ZNF536: variants seen among roughly 807,000 people sequenced by gnomAD.
The protein encoded by ZNF536 is zinc finger protein 536.
ZNF536 carries 13 observed loss-of-function variants against 84.5 expected under a neutral mutation model. The ratio of observed to expected loss-of-function variants is 0.15; its 90% CI spans 0.10 to 0.24. The LOEUF is 0.24. Ranked by LOEUF, ZNF536 falls within the 10% of genes least tolerant of loss-of-function variation. The pLI is 1.00. For synonymous variants in ZNF536, 811 were observed against 742.5 expected (o/e 1.09, Z -1.50); for missense variants, 1,536 against 1,747.5 (o/e 0.88, Z 2.16).
intron 1 of ZNF536, among the ~76,000 whole-genome samples, chr19:30,698,704 G>A (rs2051766507): frequency 6.6e-6 from 1 of 152,122 alleles, no homozygotes; most frequent in Admixed American, 6.5e-5. Flanking sequence ...CAAGTCAAGG[G>A]CACCTGCTGT....
At chr19:30,693,381 G>A (rs570084759) in intron 1 of ZNF536, among the ~76,000 whole-genome samples, 2 of 152,176 alleles carry the variant, frequency 1.3e-5, no homozygotes, top group South Asian at 2.1e-4. Context: ...TTTGGTTTAC[G>A]TGACTACAGA....
At chr19:30,488,754 C>T (rs2054392725) in intron 2 of ZNF536, among the ~76,000 whole-genome samples, 1 of 152,128 alleles carries the variant, frequency 6.6e-6, no homozygotes, top group Non-Finnish European at 1.5e-5. Context: ...TGCACAGCCT[C>T]CCTCCCCTTT....
chr19:30,273,263 A>G lies in ZNF536; in HGVS notation c.-189-10809A>G, dbSNP rs184200737. On this transcript the variant is annotated intron_variant, in intron 1 of 5. Coordinates refer to the ZNF536 transcript ENST00000585628. ...TAAGTTTCCACTCATTTGTATAAAT[A>G]TCAAGGAGCATGATTGCTGGATTGC... Among the ~76,000 whole-genome samples, 6 of 152,294 alleles carry G rather than the reference A, an allele frequency of 3.9e-5. No homozygotes were observed. The East Asian group carries it at 1.2e-3, about 29-fold the overall frequency.
intron 1 of ZNF536, among the ~76,000 whole-genome samples, chr19:30,601,581 C>T (rs915911813): frequency 6.6e-6 from 1 of 152,160 alleles, no homozygotes; most frequent in Non-Finnish European, 1.5e-5. Flanking sequence ...CTATAGATGC[C>T]ATCAGCTCCT....
rs138961566 is a variant in ZNF536, at chr19:30,337,943, AT to A, written c.-119-14424del. On this transcript the variant is annotated intron_variant, in intron 2 of 5. Coordinates refer to the ZNF536 transcript ENST00000585628. ...CAATGGTGATGATAATGTTGATATGATGATAATGGTGATCGTGATGGTGATG... is the reference window on the plus strand; with the variant it reads ...CAATGGTGATGATAATGTTGATATGAGATAATGGTGATCGTGATGGTGATG... 5.4e-3 allele frequency among the ~76,000 whole-genome samples: 812 copies of A among 151,760 alleles called. 41 individuals carry two copies. The East Asian group carries it at 0.13, about 24-fold the overall frequency.
At chr19:30,354,411 A>G (rs2048029887) in intron 3 of ZNF536, among the ~76,000 whole-genome samples, 1 of 152,192 alleles carries the variant, frequency 6.6e-6, no homozygotes, top group African/African-American at 2.4e-5. Context: ...TCTGTCACCC[A>G]GGCTGGAGGG....
At chr19:30,289,040 A>G (rs545124401) in intron 2 of ZNF536, among the ~76,000 whole-genome samples, 1 of 152,246 alleles carries the variant, frequency 6.6e-6, no homozygotes, top group African/African-American at 2.4e-5. Flanking sequence ...TCCTAAGCCA[A>G]CTTCTCCATC....
intron 2 of ZNF536, among the ~76,000 whole-genome samples, chr19:30,332,191 C>T (rs1040434820): frequency 2.0e-5 from 3 of 152,196 alleles, no homozygotes; most frequent in Non-Finnish European, 2.9e-5. Context: ...CTTTGCCCCC[C>T]GGCCTCAGCT....
chr19:30,321,257 G>A (rs2046845274), intron 2 of ZNF536, among the ~76,000 whole-genome samples: 2 of 152,216 alleles, frequency 1.3e-5, no homozygotes, highest in African/African-American at 4.8e-5. Flanking sequence ...CATGCTCATA[G>A]TTTAAAATGG....
chr19:30,478,841 C>T (rs2053957145), intron 2 of ZNF536, among the ~76,000 whole-genome samples: 1 of 152,164 alleles, frequency 6.6e-6, no homozygotes, highest in South Asian at 2.1e-4. Context: ...AACCAATGCA[C>T]TTAGTGCACA....
intron 1 of ZNF536, among the ~76,000 whole-genome samples, chr19:30,441,845 C>G (rs1412450131): frequency 6.6e-6 from 1 of 152,202 alleles, no homozygotes; most frequent in Non-Finnish European, 1.5e-5. Context: ...CTTCCCTTCC[C>G]TTGCAAGATA....
rs575128844 is a variant in ZNF536, at chr19:30,314,655, G to T, written c.-120+30514G>T. Among the ~76,000 whole-genome samples, 29 of 152,268 alleles carry T rather than the reference G, an allele frequency of 1.9e-4. 1 individual carries two copies. In the South Asian group the frequency reaches 4.2e-3, roughly 22 times the overall value. On this transcript the variant is annotated intron_variant, in intron 2 of 5. Transcript: ENST00000585628. ...TAAGTAGCTTTCCCTGTGGGCCTGT[G>T]CTCTGATCCCGGCTCGCTGGGGAGG...
chr19:30,592,914 C>T (rs777099056), intron 1 of ZNF536, among the ~76,000 whole-genome samples: 17 of 152,160 alleles, frequency 1.1e-4, no homozygotes, highest in South Asian at 2.1e-4. Flanking sequence ...ACAGGTATAA[C>T]GCTTGAAATG....
chr19:30,562,852 G>C (rs1474137993), downstream of ZNF536, among the ~76,000 whole-genome samples: 1 of 151,962 alleles, frequency 6.6e-6, no homozygotes, highest in Non-Finnish European at 1.5e-5. Flanking sequence ...GAATTCCCTT[G>C]GTCACTCAAA....
At chr19:30,560,022 G>T (rs550812233), downstream of ZNF536, among the ~76,000 whole-genome samples, 3 of 151,922 alleles carry the variant, frequency 2.0e-5, no homozygotes, top group African/African-American at 7.3e-5. Context: ...CACTCACGCC[G>T]TACACTCCCC....
At chr19:30,701,542 CACAA>C (rs1296239249) in intron 1 of ZNF536, among the ~76,000 whole-genome samples, 2 of 151,010 alleles carry the variant, frequency 1.3e-5, no homozygotes, top group Non-Finnish European at 3.0e-5. Flanking sequence ...CACACAGACA[CACAA>C]ACACACACAC....
intron 1 of ZNF536, among the ~76,000 whole-genome samples, chr19:30,674,314 C>T (rs1238099957): frequency 2.0e-5 from 3 of 152,256 alleles, no homozygotes; most frequent in Non-Finnish European, 2.9e-5. Context: ...CACCCTGTGC[C>T]CAGGCTGCCC....
intron 1 of ZNF536, among the ~76,000 whole-genome samples, chr19:30,279,001 G>A (rs756952175): frequency 1.7e-4 from 26 of 152,110 alleles, no homozygotes; most frequent in Admixed American, 7.9e-4. Flanking sequence ...TACCCAGGCC[G>A]CAGGGAATGT....
intron 1 of ZNF536, among the ~76,000 whole-genome samples, chr19:30,578,117 C>T (rs2046802054): frequency 6.6e-6 from 1 of 152,174 alleles, no homozygotes; most frequent in Non-Finnish European, 1.5e-5. Context: ...ATCCTATTTA[C>T]TTGCAAATAA....
Sources: gnomAD v4.1 joint callset for allele counts (sites outside exome capture counted in the v4.1 genomes callset) on GRCh38, gnomAD v4.1.1 for gene constraint, MANE v1.5 for transcripts, NCBI Gene and HGNC (gene_info 2026-07-23, HGNC 2026-07-21) for gene names.